Variants in ORC3 observed in about 807,000 individuals in gnomAD.
ORC3 encodes homolog of latheo, Drosophila.
A neutral mutation model predicts 100.7 loss-of-function variants in ORC3; 78 were observed. That is an observed-to-expected ratio of 0.77 (90% CI 0.65 to 0.94). ORC3 has a LOEUF of 0.94. Ranked by LOEUF, ORC3 falls within the 40% of genes least tolerant of loss-of-function variation. The pLI, the probability that ORC3 is intolerant of heterozygous loss-of-function variation, is 0.00. For missense variants in ORC3, 789 were observed against 823.9 expected (o/e 0.96, Z 0.52); for synonymous variants, 295 against 289.3 (o/e 1.02, Z -0.20).
In ORC3 at chr6:87,650,348, C is replaced by T. The variant is rs891652500; in HGVS notation, c.1383-2768C>T. Among the ~76,000 whole-genome samples the T allele has an allele frequency of 2.6e-5, 4 of 152,276 alleles. No individual in the cohort carries two copies. In the South Asian group the frequency reaches 8.3e-4, roughly 32 times the overall value. ...GGATTACAGGCATGAGCCACCACGC[C>T]CAGCTCTTTTACACTCTCTTTTATT... On this transcript the variant is annotated intron_variant, in intron 13 of 19. Transcript: ENST00000392844.
intron 4 of ORC3, 138 bp downstream of exon 4, chr6:87,603,666 A>G (rs748557548): frequency 5.3e-5 from 24 of 453,622 alleles, no homozygotes; most frequent in Non-Finnish European, 4.3e-5. Flanking sequence ...TAAACCAACT[A>G]TAGTTTATAT....
intron 11 of ORC3, among the ~76,000 whole-genome samples, chr6:87,625,056 T>C (rs1295266880): frequency 6.6e-6 from 1 of 152,240 alleles, no homozygotes; most frequent in East Asian, 1.9e-4. Context: ...TGGTATTCCA[T>C]GGTGTATATG....
chr6:87,659,058 A>ATTTTTT (rs71021316), intron 16 of ORC3, among the ~76,000 whole-genome samples: 7 of 93,270 alleles, frequency 7.5e-5, no homozygotes, highest in Non-Finnish European at 1.4e-4. Context: ...GTTTATTGTA[A>ATTTTTT]TTTTTTTTTT....
intron 8 of ORC3, among the ~76,000 whole-genome samples, chr6:87,614,109 C>T (rs1195076402): frequency 6.6e-6 from 1 of 152,220 alleles, no homozygotes; most frequent in East Asian, 1.9e-4. Context: ...TGCCTGGACA[C>T]CCAGGCTTTT....
intron 19 of ORC3, among the ~76,000 whole-genome samples, chr6:87,666,325 T>C (rs1179231543): frequency 6.6e-6 from 1 of 151,578 alleles, no homozygotes; most frequent in Non-Finnish European, 1.5e-5. Flanking sequence ...AGAGACGGGG[T>C]TTCACCATGT....
At chr6:87,659,269 G>A (rs1217108607) in intron 16 of ORC3, among the ~76,000 whole-genome samples, 1 of 151,468 alleles carries the variant, frequency 6.6e-6, no homozygotes, top group Admixed American at 6.6e-5. Flanking sequence ...TCACCATGTT[G>A]GTCAGGCTGG....
the ORC3 span, chr6:87,675,164 T>C: frequency 5.9e-6 from 1 of 168,160 alleles, no homozygotes; most frequent in African/African-American, 2.4e-5. Flanking sequence ...GGCTATTTGC[T>C]TAATATTGTC....
rs397935596 is a variant in ORC3 at position 87,602,954 on chromosome 6, A to AATATATATATATATATATATAT, written c.178-413_178-412insTATATATATATATATATATATA. Among the ~76,000 whole-genome samples the AATATATATATATATATATATAT allele has an allele frequency of 3.2e-3, 300 of 94,800 alleles. 6 individuals carry two copies. Among genetic ancestry groups the AATATATATATATATATATATAT allele is most frequent in the East Asian group, 6.3e-3 (21 of 3,334 alleles). 62.2% of individuals were successfully genotyped at this position (94,800 alleles called of 152,430 possible). A position where few individuals can be genotyped will look rare whatever the true frequency, so the allele number is the denominator to read the frequency against. On this transcript the variant is annotated intron_variant, in intron 3 of 19. Transcript: ENST00000392844. ...CGTTTATATATATATACACATATAT[A>AATATATATATATATATATATAT]ATATATATATATATATACATATATA...
chr6:87,599,695 G>T (rs1317389624), intron 2 of ORC3, among the ~76,000 whole-genome samples: 1 of 151,356 alleles, frequency 6.6e-6, no homozygotes, highest in African/African-American at 2.4e-5. Flanking sequence ...GTGTCCTCTG[G>T]CTAGGTGGGG....
chr6:87,633,008 A>G (rs1022558480), intron 11 of ORC3, among the ~76,000 whole-genome samples: 6 of 152,224 alleles, frequency 3.9e-5, no homozygotes, highest in African/African-American at 1.2e-4. Context: ...ATTCCAGGGC[A>G]GGTATGTTCC....
Position 87,634,938 on chromosome 6 carries a change from C to A in ORC3, c.1279C>A (p.Pro427Thr). The part of the protein sequence containing the change: ...RCLHKFTSSL[P>T]KYPLGRQIRE... ...TCTTCATAAGTTCACCTCTTCTCTT[C>A]CCAAGTATCCACTAGGTCGACAGGT... The change falls in exon 12 of 20, where the codon CCC becomes ACC. Residue 427 changes from proline to threonine, a missense_variant. Around this residue, in one of 3 missense-constraint regions of ORC3, gnomAD observed 366 missense variants for 394.2 expected, o/e 0.93. Coordinates refer to ENST00000392844, the MANE Select transcript of ORC3 (RefSeq NM_012381.4). 6.3e-7 allele frequency: 1 copy of A among 1,575,394 alleles called. No homozygotes were observed. Among genetic ancestry groups the A allele is most frequent in the Non-Finnish European group, 8.7e-7 (1 of 1,144,896 alleles).
the ORC3 span, chr6:87,675,458 AAG>A: frequency 8.1e-5 from 98 of 1,212,662 alleles, 1 homozygote; most frequent in East Asian, 2.4e-3. Flanking sequence ...GCTGCTGCCT[AAG>A]AGTGGTTGCC....
At position 87,667,093 on chromosome 6, in the gene ORC3, T is replaced by C. The variant is rs544388037; in HGVS notation, c.2106T>C (p.His702=). The change falls in exon 20 of 20, where the codon CAT becomes CAC. Residue 702 remains histidine (H), a synonymous_variant. Coordinates refer to ENST00000392844, the MANE Select transcript of ORC3 (RefSeq NM_012381.4). ...AACCTACCAAACAGAAGACTGACCATGTGGCAAGACTAACATGGGGAGGCT... is the reference window on the plus strand; with the variant it reads ...AACCTACCAAACAGAAGACTGACCACGTGGCAAGACTAACATGGGGAGGCT... ...FIKPTKQKTD[H]VARLTWGGC 9 of 1,610,498 alleles carry C rather than the reference T, an allele frequency of 5.6e-6. No individual in the cohort carries two copies. Among genetic ancestry groups the C allele is most frequent in the Non-Finnish European group, 6.8e-6 (8 of 1,178,328 alleles).
At chr6:87,612,526 G>A (rs181882633) in intron 8 of ORC3, among the ~76,000 whole-genome samples, 57 of 152,200 alleles carry the variant, frequency 3.7e-4, no homozygotes, top group Non-Finnish European at 6.8e-4. Flanking sequence ...TTACTCAATA[G>A]AAAATTATAG....
chr6:87,676,596 A>AACACACGCACGCGCGCACACACACAC, the ORC3 span, among the ~76,000 whole-genome samples: 11 of 142,046 alleles, frequency 7.7e-5, no homozygotes, highest in African/African-American at 2.7e-4. Context: ...CTCTACTAAA[A>AACACACGCACGCGCGCACACACACAC]ACACACACAC....
rs1770642238 is a variant in ORC3, at chr6:87,666,473, T to A, written c.2031-545T>A. ...TTTTTTTTGAGACAGAGTTTTGCTA[T>A]TGTTGCCCAAGCTGGAGTGCAGTGG... On this transcript the variant is annotated intron_variant, in intron 19 of 19. Coordinates refer to ENST00000392844, the MANE Select transcript of ORC3 (RefSeq NM_012381.4). Among the ~76,000 whole-genome samples, 3 of 130,466 alleles carry A rather than the reference T, an allele frequency of 2.3e-5. No homozygotes were observed. In the South Asian group the frequency reaches 7.3e-4, roughly 32 times the overall value. 85.6% of individuals were successfully genotyped at this position (130,466 alleles called of 152,430 possible). A position where few individuals can be genotyped will look rare whatever the true frequency, so the allele number is the denominator to read the frequency against.
intron 13 of ORC3, among the ~76,000 whole-genome samples, chr6:87,637,945 C>T (rs765516771): frequency 6.6e-6 from 1 of 152,080 alleles, no homozygotes; most frequent in Non-Finnish European, 1.5e-5. Context: ...CACACTTTAC[C>T]CCCTGAGGAA....
chr6:87,597,104 G>C (rs749088369), intron 2 of ORC3, among the ~76,000 whole-genome samples: 1 of 152,042 alleles, frequency 6.6e-6, no homozygotes, highest in Non-Finnish European at 1.5e-5. Context: ...AATTTTTTCA[G>C]ATTTTGAAAT....
intron 12 of ORC3, among the ~76,000 whole-genome samples, chr6:87,635,790 TA>T (rs972713471): frequency 2.7e-5 from 4 of 150,636 alleles, no homozygotes; most frequent in Non-Finnish European, 3.0e-5. Flanking sequence ...AGACTCCGTC[TA>T]AAAAAAAAGA....
Sources: gnomAD v4.1 joint callset for allele counts (sites outside exome capture counted in the v4.1 genomes callset) on GRCh38, gnomAD v4.1.1 for gene constraint, gnomAD v4.1.1 regional missense constraint, MANE v1.5 for transcripts, NCBI Gene and HGNC (gene_info 2026-07-23, HGNC 2026-07-21) for gene names.